BRWD1: variants seen among roughly 807,000 people sequenced by gnomAD.
BRWD1 encodes bromodomain and WD repeat domain containing 1.
In BRWD1, 82 loss-of-function variants were observed where a neutral mutation model predicts 251.2. The ratio of observed to expected loss-of-function variants is 0.33; its 90% CI spans 0.27 to 0.39. The LOEUF (loss-of-function observed/expected upper bound fraction) is 0.39, where lower values mean the gene tolerates loss of function less well. Among genes scored for constraint, BRWD1 ranks in the 10% least tolerant of loss-of-function variants. The pLI is 1.00. For missense variants in BRWD1, 2,233 were observed against 2,711.6 expected, an observed-to-expected ratio of 0.82 and a Z score of 3.92; for synonymous variants, 918 against 902.8, an observed-to-expected ratio of 1.02 and a Z score of -0.30.
intron 7 of BRWD1, 60 bp from the exon 8 acceptor site, chr21:39,294,092 G>T: frequency 1.4e-6 from 2 of 1,389,220 alleles, no homozygotes; most frequent in East Asian, 2.4e-5. Context: ...AATATTAAAA[G>T]AATACCTTTT....
At chr21:39,274,143 A>C (rs1245396772) in intron 13 of BRWD1, among the ~76,000 whole-genome samples, 1 of 152,212 alleles carries the variant, frequency 6.6e-6, no homozygotes, top group Non-Finnish European at 1.5e-5. Flanking sequence ...CCATAGAAAA[A>C]GTACATGTTA....
chr21:39,274,994 G>A (rs1395376003), intron 12 of BRWD1, among the ~76,000 whole-genome samples: 1 of 151,746 alleles, frequency 6.6e-6, no homozygotes, highest in Non-Finnish European at 1.5e-5. Context: ...GCAGTGAGCC[G>A]AGGCTGCACC....
chr21:39,312,549 A>G lies in BRWD1; in HGVS notation c.198+292T>C, dbSNP rs2146815185. 18 of 301,548 alleles carry G rather than the reference A, an allele frequency of 6.0e-5. 1 individual carries two copies. The South Asian group carries it at 6.9e-4, about 12-fold the overall frequency. The allele number at this position is 301,548 out of a possible 1,614,324, so 18.7% of individuals were successfully genotyped here. ...AGTTGAATGGCTGGCTGCGCACGCC[A>G]CACCCCCGCAGAGGCGGCCGCACCT... On this transcript the variant is annotated intron_variant, in intron 4 of 40. Coordinates refer to ENST00000342449, the MANE Select transcript of BRWD1 (RefSeq NM_033656.4).
intron 17 of BRWD1, among the ~76,000 whole-genome samples, chr21:39,260,572 C>T (rs1328465529): frequency 6.6e-6 from 1 of 152,124 alleles, no homozygotes. Flanking sequence ...ACTTAACTGC[C>T]GCAGGAAGTG....
intron 35 of BRWD1, 83 bp from the exon 36 acceptor site, chr21:39,210,230 G>T (rs2032595129): frequency 8.6e-7 from 1 of 1,168,244 alleles, no homozygotes; most frequent in Non-Finnish European, 1.2e-6. Flanking sequence ...TAAAAAATGT[G>T]AAATGATGGA....
At chr21:39,252,484 T>A (rs985670989) in intron 19 of BRWD1, among the ~76,000 whole-genome samples, 2 of 152,168 alleles carry the variant, frequency 1.3e-5, no homozygotes, top group African/African-American at 4.8e-5. Flanking sequence ...ATACTCTTCA[T>A]CCTTATCAAA....
chr21:39,197,827 C>G (rs1023172398), intron 40 of BRWD1, among the ~76,000 whole-genome samples: 3 of 152,182 alleles, frequency 2.0e-5, no homozygotes, highest in African/African-American at 4.8e-5. Context: ...GACTTGAGGA[C>G]AGCTATGATT....
Position 39,195,187 on chromosome 21 carries a change from C to T in BRWD1, c.*1072G>A. 5 of 1,040,476 alleles carry T rather than the reference C, an allele frequency of 4.8e-6. No individual in the cohort carries two copies. Among genetic ancestry groups the T allele is most frequent in the Non-Finnish European group, 4.6e-6 (4 of 865,244 alleles). The allele number at this position is 1,040,476 out of a possible 1,614,324, so 64.5% of individuals were successfully genotyped here. A position where few individuals can be genotyped will look rare whatever the true frequency, so the allele number is the denominator to read the frequency against. ...CCCCAGCAAAGAATGCTTAGGATTG[C>T]ACATGGAAGCAGTAAACTAAAACAA... is the stretch of plus-strand genomic sequence containing the variant. On this transcript the variant is annotated 3_prime_UTR_variant, in exon 41 of 41. Transcript: ENST00000342449.
intron 27 of BRWD1, among the ~76,000 whole-genome samples, chr21:39,226,541 T>C (rs1476843340): frequency 6.6e-6 from 1 of 152,210 alleles, no homozygotes. Context: ...TGAGAGCCTC[T>C]TACACCTCAT....
intron 4 of BRWD1, chr21:39,312,430 G>C (rs1421120071): frequency 2.4e-5 from 4 of 166,030 alleles, no homozygotes; most frequent in African/African-American, 7.2e-5. Context: ...TAGGGAACAA[G>C]TGGGGGGACA....
At chr21:39,268,720 CT>C (rs2035005596) in intron 15 of BRWD1, among the ~76,000 whole-genome samples, 1 of 152,144 alleles carries the variant, frequency 6.6e-6, no homozygotes, top group Non-Finnish European at 1.5e-5. Flanking sequence ...GGCACAGTGG[CT>C]CACGCCTGTA....
intron 17 of BRWD1, among the ~76,000 whole-genome samples, chr21:39,261,808 GA>G (rs2034758801): frequency 6.6e-6 from 1 of 151,608 alleles, no homozygotes; most frequent in African/African-American, 2.4e-5. Context: ...CACAAAGAAT[GA>G]AAAGAATATA....
intron 21 of BRWD1, among the ~76,000 whole-genome samples, chr21:39,239,135 A>C (rs1290862567): frequency 6.6e-6 from 1 of 152,050 alleles, no homozygotes; most frequent in East Asian, 1.9e-4. Context: ...TTTGTGGCTT[A>C]TCTTTTCATT....
intron 36 of BRWD1, among the ~76,000 whole-genome samples, chr21:39,207,475 CACACACACAA>C (rs904472962): frequency 1.6e-4 from 24 of 150,696 alleles, no homozygotes; most frequent in Admixed American, 6.0e-4. Flanking sequence ...CACACACACA[CACACACACAA>C]ACAAAACTCC....
intron 15 of BRWD1, among the ~76,000 whole-genome samples, chr21:39,269,140 A>C (rs766925911): frequency 6.6e-6 from 1 of 152,190 alleles, no homozygotes; most frequent in Non-Finnish European, 1.5e-5. Flanking sequence ...GCTATCTTAT[A>C]AATGTTAAAT....
Position 39,190,591 on chromosome 21 carries a change from T to C in BRWD1, c.*5668A>G, listed in dbSNP as rs919506898. 18 of 985,258 alleles carry C rather than the reference T, an allele frequency of 1.8e-5. No individual in the cohort carries two copies. The highest frequency in any genetic ancestry group is 1.8e-5 in the Non-Finnish European group (15 of 829,916). The allele number at this position is 985,258 out of a possible 1,614,324, so 61.0% of individuals were successfully genotyped here. A position where few individuals can be genotyped will look rare whatever the true frequency, so the allele number is the denominator to read the frequency against. On this transcript the variant is annotated 3_prime_UTR_variant, in exon 41 of 41. Transcript: ENST00000342449. The stretch of plus-strand genomic sequence containing the variant: ...GACTTGAGATATTCTCTCCTCTGTC[T>C]GCCCTTCATTGATAAGCAATGAAAT...
chr21:39,267,459 C>G (rs2034959184), intron 15 of BRWD1, among the ~76,000 whole-genome samples: 1 of 152,036 alleles, frequency 6.6e-6, no homozygotes, highest in Admixed American at 6.6e-5. Flanking sequence ...ATTAGCCGGG[C>G]GTGGTGGCAG....
At position 39,313,601 on chromosome 21, in the gene BRWD1, C is replaced by A; in HGVS notation, c.-110G>T. 2.3e-6 allele frequency: 2 copies of A among 860,686 alleles called. No individual in the cohort carries two copies. Among genetic ancestry groups the A allele is most frequent in the Non-Finnish European group, 3.1e-6 (2 of 652,196 alleles). The allele number at this position is 860,686 out of a possible 1,614,324, so 53.3% of individuals were successfully genotyped here. A position where few individuals can be genotyped will look rare whatever the true frequency, so the allele number is the denominator to read the frequency against. On this transcript the variant is annotated 5_prime_UTR_variant, in exon 1 of 41. Coordinates refer to ENST00000342449, the MANE Select transcript of BRWD1 (RefSeq NM_033656.4). ...TCTTCTCAGGCGCGCGCCGCCGCCGCCGCCGCCGCCGCCATACCGTGCGCG... is the reference window on the plus strand; with the variant it reads ...TCTTCTCAGGCGCGCGCCGCCGCCGACGCCGCCGCCGCCATACCGTGCGCG...
intron 36 of BRWD1, among the ~76,000 whole-genome samples, chr21:39,207,101 G>C (rs1227152632): frequency 3.3e-5 from 5 of 152,086 alleles, no homozygotes; most frequent in Non-Finnish European, 1.5e-5. Flanking sequence ...TACTTAATCT[G>C]AAATGATCTT....
Sources: gnomAD v4.1 joint callset for allele counts (sites outside exome capture counted in the v4.1 genomes callset) on GRCh38, gnomAD v4.1.1 for gene constraint, MANE v1.5 for transcripts, NCBI Gene and HGNC (gene_info 2026-07-23, HGNC 2026-07-21) for gene names.